The following ROBO2 variants were observed in gnomAD, a reference collection of about 807,000 sequenced individuals.
The protein encoded by ROBO2 is roundabout guidance receptor 2.
A neutral mutation model predicts 160.8 loss-of-function variants in ROBO2; 53 were observed. That is an observed-to-expected ratio of 0.33 (90% CI 0.26 to 0.41). The LOEUF (loss-of-function observed/expected upper bound fraction) is 0.41, where lower values mean the gene tolerates loss of function less well. Ranked by LOEUF, ROBO2 falls within the 10% of genes least tolerant of loss-of-function variation. ROBO2 has a pLI of 1.00. For missense variants in ROBO2, 1,577 were observed against 1,722.4 expected (o/e 0.92, Z 1.49); for synonymous variants, 664 against 611.7 (o/e 1.09, Z -1.26).
At chr3:76,802,253 TG>T (rs2064256825) in intron 2 of ROBO2, among the ~76,000 whole-genome samples, 1 of 152,204 alleles carries the variant, frequency 6.6e-6, no homozygotes, top group Non-Finnish European at 1.5e-5. Context: ...GTGCAATATC[TG>T]CAGAGTGCAA....
chr3:76,997,409 A>G (rs1266457803), intron 2 of ROBO2, among the ~76,000 whole-genome samples: 1 of 152,158 alleles, frequency 6.6e-6, no homozygotes, highest in Non-Finnish European at 1.5e-5. Flanking sequence ...ATGTGAAGTC[A>G]GTTGTGGGGT....
At chr3:77,553,846 A>G (rs1217422388) in intron 8 of ROBO2, among the ~76,000 whole-genome samples, 1 of 151,480 alleles carries the variant, frequency 6.6e-6, no homozygotes, top group Admixed American at 6.6e-5. Flanking sequence ...CTTCATAACT[A>G]AAAGTACAAG....
intron 5 of ROBO2, among the ~76,000 whole-genome samples, chr3:77,508,237 G>C (rs1293854353): frequency 1.3e-5 from 2 of 150,132 alleles, no homozygotes; most frequent in African/African-American, 4.9e-5. Context: ...ATGTTGCAAA[G>C]ATATCTTTAT....
At chr3:76,293,203 G>C (rs1030222648) in intron 2 of ROBO2, among the ~76,000 whole-genome samples, 5 of 152,202 alleles carry the variant, frequency 3.3e-5, no homozygotes, top group Non-Finnish European at 7.3e-5. Context: ...AAAGGTCTCA[G>C]TAGTCAAGCA....
chr3:77,446,741 A>G (rs545890097), intron 2 of ROBO2, among the ~76,000 whole-genome samples: 197 of 152,064 alleles, frequency 1.3e-3, no homozygotes, highest in Non-Finnish European at 2.5e-3. Context: ...ACACCAATAC[A>G]CAAAACTATT....
intron 2 of ROBO2, among the ~76,000 whole-genome samples, chr3:76,302,928 A>T (rs193243142): frequency 1.3e-5 from 2 of 152,126 alleles, no homozygotes; most frequent in African/African-American, 4.8e-5. Flanking sequence ...TTATGTATTT[A>T]TAGACAGGAA....
intron 2 of ROBO2, among the ~76,000 whole-genome samples, chr3:76,578,394 A>G (rs1031940528): frequency 6.6e-6 from 1 of 152,076 alleles, no homozygotes; most frequent in Non-Finnish European, 1.5e-5. Flanking sequence ...AAAATTGTCT[A>G]CACAGGCTGG....
intron 2 of ROBO2, among the ~76,000 whole-genome samples, chr3:76,286,463 G>A (rs62261401): frequency 0.024 from 3,710 of 152,180 alleles, 62 homozygotes; most frequent in South Asian, 0.065. Flanking sequence ...CATAATCATT[G>A]AAGAATGATA....
At chr3:77,453,804 T>C (rs1224302080) in intron 2 of ROBO2, among the ~76,000 whole-genome samples, 1 of 152,174 alleles carries the variant, frequency 6.6e-6, no homozygotes, top group Non-Finnish European at 1.5e-5. Context: ...AGTAGTAATT[T>C]AGCAATTATG....
intron 2 of ROBO2, among the ~76,000 whole-genome samples, chr3:77,016,814 AG>A (rs2062294150): frequency 1.3e-5 from 2 of 152,172 alleles, no homozygotes; most frequent in Non-Finnish European, 2.9e-5. Flanking sequence ...CTGCACTAAA[AG>A]CTCTGATCAT....
chr3:75,974,464 A>G (rs2065083098), intron 2 of ROBO2, among the ~76,000 whole-genome samples: 1 of 151,604 alleles, frequency 6.6e-6, no homozygotes, highest in African/African-American at 2.4e-5. Context: ...GCTATACTTC[A>G]AATTAGCTAT....
At chr3:76,027,889 A>T (rs2066795796) in intron 2 of ROBO2, among the ~76,000 whole-genome samples, 1 of 152,000 alleles carries the variant, frequency 6.6e-6, no homozygotes, top group Non-Finnish European at 1.5e-5. Flanking sequence ...CTATGTTAGG[A>T]ATACTTTAGA....
chr3:77,194,911 T>C (rs889179010), intron 2 of ROBO2, among the ~76,000 whole-genome samples: 1 of 152,202 alleles, frequency 6.6e-6, no homozygotes, highest in African/African-American at 2.4e-5. Flanking sequence ...TTAGTATAAA[T>C]ATTTAATTTC....
At chr3:76,421,153 T>G (rs1170383188) in intron 2 of ROBO2, among the ~76,000 whole-genome samples, 2 of 151,708 alleles carry the variant, frequency 1.3e-5, no homozygotes, top group African/African-American at 2.4e-5. Context: ...CTGTAACAAA[T>G]CAAACATCTA....
At chr3:77,179,548 G>A (rs936843273) in intron 2 of ROBO2, among the ~76,000 whole-genome samples, 1 of 151,604 alleles carries the variant, frequency 6.6e-6, no homozygotes, top group African/African-American at 2.4e-5. Flanking sequence ...TCAAATGTAA[G>A]AGGCAAGAAA....
chr3:77,582,851 C>A (rs2093953664), intron 16 of ROBO2, among the ~76,000 whole-genome samples: 1 of 152,008 alleles, frequency 6.6e-6, no homozygotes, highest in Admixed American at 6.6e-5. Context: ...TCCATAAATT[C>A]AGTCCCTGGT....
chr3:76,316,530 T>A (rs917958871), intron 2 of ROBO2, among the ~76,000 whole-genome samples: 1 of 152,190 alleles, frequency 6.6e-6, no homozygotes, highest in African/African-American at 2.4e-5. Flanking sequence ...GTTATTCTGT[T>A]CTTTTTCAAG....
intron 2 of ROBO2, among the ~76,000 whole-genome samples, chr3:76,932,767 T>C (rs2077431915): frequency 6.6e-6 from 1 of 152,172 alleles, no homozygotes; most frequent in Admixed American, 6.5e-5. Flanking sequence ...CTTTCACATG[T>C]TCACTACCAA....
intron 2 of ROBO2, among the ~76,000 whole-genome samples, chr3:76,360,346 T>C (rs1338546281): frequency 6.6e-6 from 1 of 152,082 alleles, no homozygotes; most frequent in African/African-American, 2.4e-5. Context: ...AGAGTATTGT[T>C]GAACAATGTT....
Sources: allele counts gnomAD v4.1 joint callset (sites outside exome capture counted in the v4.1 genomes callset), GRCh38; gene constraint gnomAD v4.1.1; transcripts MANE v1.5; gene names NCBI Gene and HGNC (gene_info 2026-07-23, HGNC 2026-07-21).